Variants in USP3 observed in about 807,000 individuals in gnomAD.
The protein encoded by USP3 is ubiquitin carboxyl-terminal hydrolase 3.
USP3 carries 20 observed loss-of-function variants against 72.3 expected under a neutral mutation model. That is an observed-to-expected ratio of 0.28 (90% CI 0.19 to 0.40). USP3 has a LOEUF of 0.40. Ranked by LOEUF, USP3 falls within the 10% of genes least tolerant of loss-of-function variation. The probability of loss-of-function intolerance (pLI) is 1.00; values close to 1 mark genes in which losing one functional copy is unlikely to be tolerated. For synonymous variants in USP3, 222 were observed against 225.3 expected, an observed-to-expected ratio of 0.99 and a Z score of 0.13; for missense variants, 479 against 633.9, an observed-to-expected ratio of 0.76 and a Z score of 2.62.
intron 1 of USP3, among the ~76,000 whole-genome samples, chr15:63,505,581 G>A (rs868743089): frequency 2.6e-5 from 4 of 152,338 alleles, no homozygotes; most frequent in Admixed American, 6.5e-5. Context: ...CCCAGTTCCT[G>A]TGTTGTGAAA....
chr15:63,558,286 T>G (rs1036371876), intron 6 of USP3, 98 bp downstream of exon 6: 38 of 1,346,458 alleles, frequency 2.8e-5, no homozygotes, highest in African/African-American at 4.3e-5. Context: ...GTCATATGGT[T>G]TGGAGCAAGA....
In USP3 at chr15:63,553,910, A is replaced by G; in HGVS notation, c.368+112A>G. ...AGTTTAATAACTTCATGTTTATAAT[A>G]TGATTGAAATGTTAATAAAATAAAC... is the stretch of plus-strand genomic sequence containing the variant. On this transcript the variant is annotated intron_variant, in intron 4 of 14. Transcript: ENST00000380324. This position sits in a 1 kb window ranked among gnomAD's most constrained non-coding sequence, Gnocchi z 4.2. The G allele has an allele frequency of 1.3e-6, 1 of 749,648 alleles. No homozygotes were observed. Among genetic ancestry groups the G allele is most frequent in the Non-Finnish European group, 2.0e-6 (1 of 488,134 alleles). 46.4% of individuals were successfully genotyped at this position (749,648 alleles called of 1,614,324 possible).
At chr15:63,542,487 ATAACTT>A (rs1425293296) in intron 3 of USP3, among the ~76,000 whole-genome samples, 7 of 152,088 alleles carry the variant, frequency 4.6e-5, no homozygotes, top group Non-Finnish European at 1.0e-4. Flanking sequence ...GGAAATAACT[ATAACTT>A]AAAGCAAATC....
intron 2 of USP3, among the ~76,000 whole-genome samples, chr15:63,533,083 C>G (rs1567099663): frequency 6.6e-6 from 1 of 151,856 alleles, no homozygotes; most frequent in South Asian, 2.1e-4. Flanking sequence ...ATAATTGAAC[C>G]CCATGTCCCA....
rs61283920 is a variant in USP3, at chr15:63,511,266, T to TAAA, written c.91+6450_91+6452dup. ...TTCAGACTTTTAGCTTGCTTTTTCT[T>TAAA]AAAAAAAAAAAAAAAAGAGTCTTTA... On this transcript the variant is annotated intron_variant, in intron 1 of 14. Transcript: ENST00000380324. Among the ~76,000 whole-genome samples, 122 of 42,866 alleles carry TAAA rather than the reference T, an allele frequency of 2.8e-3. 7 individuals carry two copies. Among genetic ancestry groups the TAAA allele is most frequent in the African/African-American group, 4.1e-3 (67 of 16,208 alleles). The allele number at this position is 42,866 out of a possible 152,430, so 28.1% of individuals were successfully genotyped here. A position where few individuals can be genotyped will look rare whatever the true frequency, so the allele number is the denominator to read the frequency against.
At chr15:63,524,202 G>C (rs2065951456) in intron 1 of USP3, among the ~76,000 whole-genome samples, 1 of 152,240 alleles carries the variant, frequency 6.6e-6, no homozygotes, top group African/African-American at 2.4e-5. Context: ...TGGCAGCTTA[G>C]TTGAAGATAA....
intron 3 of USP3, among the ~76,000 whole-genome samples, chr15:63,542,874 A>C (rs2066265061): frequency 1.3e-5 from 2 of 152,192 alleles, no homozygotes; most frequent in South Asian, 4.1e-4. Context: ...AGTAGACAGA[A>C]AGTCAAATAA....
rs1018337001 is a variant in USP3, at chr15:63,591,551, A to ATGTT, written c.*727_*730dup. 104 of 152,222 alleles carry ATGTT rather than the reference A, an allele frequency of 6.8e-4. 1 individual carries two copies. The highest frequency in any genetic ancestry group is 2.5e-3 in the African/African-American group (102 of 41,524). The allele number at this position is 152,222 out of a possible 1,614,324, so 9.4% of individuals were successfully genotyped here. Reference sequence around the variant, plus strand: ...TGGGAGTAAAGACCAAATACATGTAATGTTTAAAAAAAATGCTGTGACTCA... The same window carrying ATGTT: ...TGGGAGTAAAGACCAAATACATGTAATGTTTGTTTAAAAAAAATGCTGTGACTCA... On this transcript the variant is annotated 3_prime_UTR_variant, in exon 15 of 15. Coordinates refer to ENST00000380324, the MANE Select transcript of USP3 (RefSeq NM_006537.4).
intron 8 of USP3, among the ~76,000 whole-genome samples, chr15:63,568,352 TAA>T (rs545943861): frequency 1.9e-4 from 25 of 131,430 alleles, no homozygotes; most frequent in Admixed American, 3.1e-4. Flanking sequence ...AGACTCCATC[TAA>T]AAAAAAAAAA....
At chr15:63,563,506 A>C (rs911800492) in intron 8 of USP3, among the ~76,000 whole-genome samples, 1 of 152,212 alleles carries the variant, frequency 6.6e-6, no homozygotes, top group Admixed American at 6.5e-5. Context: ...GTGTGGCCAG[A>C]GAGCTGCTGT....
At chr15:63,518,634 A>C (rs1193977556) in intron 1 of USP3, among the ~76,000 whole-genome samples, 1 of 152,222 alleles carries the variant, frequency 6.6e-6, no homozygotes, top group East Asian at 1.9e-4. Flanking sequence ...CCGTATACTT[A>C]GATTTGCCAG....
chr15:63,522,266 A>G (rs1375076277), intron 1 of USP3, among the ~76,000 whole-genome samples: 1 of 152,192 alleles, frequency 6.6e-6, no homozygotes, highest in Non-Finnish European at 1.5e-5. Context: ...CTAGATAACC[A>G]CGTAAAAGGT....
intron 3 of USP3, among the ~76,000 whole-genome samples, chr15:63,548,379 G>A (rs184163756): frequency 6.6e-6 from 1 of 151,490 alleles, no homozygotes; most frequent in Non-Finnish European, 1.5e-5. Flanking sequence ...AGGCTGGAGT[G>A]CAGTAGCACG....
chr15:63,548,553 C>G (rs142679024), intron 3 of USP3, among the ~76,000 whole-genome samples: 5 of 152,088 alleles, frequency 3.3e-5, no homozygotes, highest in African/African-American at 9.7e-5. Flanking sequence ...ATCGCGAACT[C>G]CTGACCTCAG....
At chr15:63,537,505 A>G (rs1482641877) in intron 3 of USP3, among the ~76,000 whole-genome samples, 1 of 152,126 alleles carries the variant, frequency 6.6e-6, no homozygotes, top group African/African-American at 2.4e-5. Context: ...TAACTCAACA[A>G]ACCCATGTTC....
chr15:63,556,897 T>C, intron 5 of USP3, 149 bp downstream of exon 5: 6 of 616,530 alleles, frequency 9.7e-6, no homozygotes, highest in Non-Finnish European at 1.4e-5. Context: ...TTGCCACCTG[T>C]ACTGTCGATT....
intron 1 of USP3, among the ~76,000 whole-genome samples, chr15:63,522,640 G>A (rs1595711028): frequency 1.3e-5 from 2 of 152,134 alleles, no homozygotes. Context: ...TAAATCTGGT[G>A]TGATATGAAA....
chr15:63,542,167 C>A, intron 3 of USP3: 1 of 985,034 alleles, frequency 1.0e-6, no homozygotes, highest in Non-Finnish European at 1.2e-6. Flanking sequence ...TTGAAAAAAA[C>A]TTAGAATTTT....
At chr15:63,508,056 A>ACT (rs2065736078) in intron 1 of USP3, among the ~76,000 whole-genome samples, 1 of 152,124 alleles carries the variant, frequency 6.6e-6, no homozygotes. Flanking sequence ...CAGTCTCTTG[A>ACT]GATGTCACAT....
Sources: allele counts gnomAD v4.1 joint callset (sites outside exome capture counted in the v4.1 genomes callset), GRCh38; gene constraint gnomAD v4.1.1; non-coding constraint Gnocchi (gnomAD v3.1); transcripts MANE v1.5; gene names NCBI Gene and HGNC (gene_info 2026-07-23, HGNC 2026-07-21).